TRPC7: variants seen among roughly 807,000 people sequenced by gnomAD.
TRPC7 encodes the protein short transient receptor potential channel 7.
TRPC7 carries 42 observed loss-of-function variants against 90.1 expected under a neutral mutation model. The ratio of observed to expected loss-of-function variants is 0.47; its 90% CI spans 0.36 to 0.60. TRPC7 has a LOEUF of 0.60. TRPC7 is among the 20% of genes least tolerant of loss of function. The pLI is 0.00. For synonymous variants in TRPC7, 451 were observed against 436.3 expected (o/e 1.03, Z -0.42); for missense variants, 955 against 1,112.3 (o/e 0.86, Z 2.01).
chr5:136,317,668 A>T (rs1759063261), intron 2 of TRPC7, among the ~76,000 whole-genome samples: 3 of 152,168 alleles, frequency 2.0e-5, no homozygotes, highest in Admixed American at 2.0e-4. Context: ...TTCTGAGAAC[A>T]AGGAATCTCT....
intron 7 of TRPC7, among the ~76,000 whole-genome samples, chr5:136,246,784 G>A (rs542404605): frequency 6.6e-6 from 1 of 150,644 alleles, no homozygotes; most frequent in Admixed American, 6.6e-5. Flanking sequence ...ATAACAGTAA[G>A]AATAATTTTT....
intron 2 of TRPC7, among the ~76,000 whole-genome samples, chr5:136,321,588 A>G (rs1384173690): frequency 6.6e-6 from 1 of 152,158 alleles, no homozygotes; most frequent in Non-Finnish European, 1.5e-5. Flanking sequence ...AAACTTAAAA[A>G]CTGATAATAA....
rs566575803 is a variant in TRPC7 at position 136,326,379 on chromosome 5, C to A, written c.781-10600G>T. 8.1e-4 allele frequency among the ~76,000 whole-genome samples: 123 copies of A among 152,228 alleles called. 3 individuals carry two copies. In the South Asian group the frequency reaches 0.025, roughly 31 times the overall value. ...TAGCTACAGTAATAGGAGGAAAGGTCAGTATGTAGGTGAGGATGCTATTCG... is the reference window on the plus strand; with the variant it reads ...TAGCTACAGTAATAGGAGGAAAGGTAAGTATGTAGGTGAGGATGCTATTCG... On this transcript the variant is annotated intron_variant, in intron 2 of 11. Coordinates refer to ENST00000513104, the MANE Select transcript of TRPC7 (RefSeq NM_020389.3).
intron 3 of TRPC7, among the ~76,000 whole-genome samples, 175 bp from the exon 4 acceptor site, chr5:136,275,012 G>C (rs1177614128): frequency 6.6e-6 from 1 of 152,130 alleles, no homozygotes; most frequent in East Asian, 1.9e-4. Flanking sequence ...TCTGACTTGG[G>C]GATGCTAAGG....
At chr5:136,294,067 C>A (rs1758066180) in intron 3 of TRPC7, among the ~76,000 whole-genome samples, 1 of 152,106 alleles carries the variant, frequency 6.6e-6, no homozygotes, top group South Asian at 2.1e-4. Flanking sequence ...ATAAATGGTG[C>A]TGGGAAAACT....
At chr5:136,312,005 T>C (rs1434328668) in intron 3 of TRPC7, among the ~76,000 whole-genome samples, 2 of 152,196 alleles carry the variant, frequency 1.3e-5, no homozygotes, top group Non-Finnish European at 2.9e-5. Context: ...ATAGGCATTA[T>C]TATTCCAACT....
chr5:136,257,656 C>T (rs1460090338), intron 5 of TRPC7, among the ~76,000 whole-genome samples: 4 of 152,090 alleles, frequency 2.6e-5, no homozygotes, highest in African/African-American at 9.7e-5. Flanking sequence ...CCAGCCCCCT[C>T]CTTTTTTGTT....
intron 2 of TRPC7, among the ~76,000 whole-genome samples, chr5:136,350,475 T>A (rs1181756141): frequency 1.3e-5 from 2 of 152,244 alleles, no homozygotes; most frequent in African/African-American, 4.8e-5. Flanking sequence ...CATCATCTAA[T>A]TTTAGGCACT....
intron 2 of TRPC7, among the ~76,000 whole-genome samples, chr5:136,322,537 C>A (rs1412790396): frequency 6.6e-6 from 1 of 152,002 alleles, no homozygotes; most frequent in African/African-American, 2.4e-5. Flanking sequence ...AATTTATTGC[C>A]TGTTTTTATT....
chr5:136,284,309 A>G (rs1290609059), intron 3 of TRPC7, among the ~76,000 whole-genome samples: 1 of 152,198 alleles, frequency 6.6e-6, no homozygotes, highest in African/African-American at 2.4e-5. Flanking sequence ...GTATGTGCAC[A>G]CGTGTGTGTG....
At chr5:136,264,165 G>C (rs1446283195) in intron 5 of TRPC7, among the ~76,000 whole-genome samples, 1 of 152,186 alleles carries the variant, frequency 6.6e-6, no homozygotes, top group African/African-American at 2.4e-5. Flanking sequence ...CCTATAGCTA[G>C]AGACACATCC....
intron 2 of TRPC7, among the ~76,000 whole-genome samples, chr5:136,341,738 A>G (rs1246265409): frequency 6.6e-6 from 1 of 152,210 alleles, no homozygotes; most frequent in Non-Finnish European, 1.5e-5. Flanking sequence ...CAGGTAATTC[A>G]AGGAGAAACC....
rs768453553 is a variant in TRPC7 at position 136,315,620 on chromosome 5, C to T, written c.940G>A (p.Ala314Thr). Reference sequence around the variant, plus strand: ...ACCTTCTTGACTTCATATTTAATGGCGAGTTTGATCCGGCTCAGACTTGGA... The same window carrying T: ...ACCTTCTTGACTTCATATTTAATGGTGAGTTTGATCCGGCTCAGACTTGGA... ...HRPSLSRIKL[A>T]IKYEVKKFVA... Residue 314 changes from alanine to threonine, a missense_variant, in exon 3 of 12, where the codon GCC (alanine) becomes ACC (threonine). Physicochemically the swap from Ala to Thr is moderately conservative, Grantham distance 58. Coordinates refer to ENST00000513104, the MANE Select transcript of TRPC7 (RefSeq NM_020389.3). 3.7e-6 allele frequency: 6 copies of T among 1,613,576 alleles called. No homozygotes were observed. Among genetic ancestry groups the T allele is most frequent in the East Asian group, 2.2e-5 (1 of 44,870 alleles).
rs890265321 is a variant in TRPC7 at position 136,212,897 on chromosome 5, CT to C, written c.*537del. 4.1e-3 allele frequency among the ~76,000 whole-genome samples: 628 copies of C among 151,816 alleles called. 10 individuals are homozygous for C. Among genetic ancestry groups the C allele is most frequent in the African/African-American group, 0.015 (609 of 41,392 alleles). ...CAGTTTTCAATTTAGGATTTTTAAA[CT>C]TTTTTTTTATATAAACAAATAGAAC... On this transcript the variant is annotated 3_prime_UTR_variant, in exon 12 of 12. Transcript: ENST00000513104.
rs527588851 is a variant in TRPC7, at chr5:136,223,703, T to G, written c.2343+1571A>C. On this transcript the variant is annotated intron_variant, in intron 10 of 11. Coordinates refer to ENST00000513104, the MANE Select transcript of TRPC7 (RefSeq NM_020389.3). ...AAGGATTCATTCTGGAATGGGACAT[T>G]CACACAGAATTGATCTTCCTTTATC... Among the ~76,000 whole-genome samples the G allele has an allele frequency of 6.6e-5, 10 of 152,290 alleles. No individual in the cohort carries two copies. In the South Asian group the frequency reaches 1.9e-3, roughly 28 times the overall value.
intron 2 of TRPC7, among the ~76,000 whole-genome samples, chr5:136,344,244 G>A (rs1177022927): frequency 2.0e-5 from 3 of 152,136 alleles, no homozygotes; most frequent in Non-Finnish European, 4.4e-5. Context: ...ACACAAAGAA[G>A]GGAACAACAG....
At chr5:136,258,781 G>A (rs181071478) in intron 5 of TRPC7, among the ~76,000 whole-genome samples, 101 of 152,310 alleles carry the variant, frequency 6.6e-4, no homozygotes, top group African/African-American at 2.4e-3. Flanking sequence ...ACTTAAGTAT[G>A]TACATTCTTT....
intron 4 of TRPC7, among the ~76,000 whole-genome samples, chr5:136,273,291 C>T (rs112511994): frequency 1.3e-5 from 2 of 152,134 alleles, no homozygotes; most frequent in African/African-American, 4.8e-5. Context: ...AGTTTTTTCA[C>T]CCACTGTGTT....
intron 3 of TRPC7, among the ~76,000 whole-genome samples, chr5:136,310,748 C>T (rs1053744401): frequency 6.6e-6 from 1 of 152,156 alleles, no homozygotes; most frequent in Non-Finnish European, 1.5e-5. Context: ...CTTCCCCCAC[C>T]CCACTGCAAA....
Sources: gnomAD v4.1 joint callset for allele counts (sites outside exome capture counted in the v4.1 genomes callset) on GRCh38, gnomAD v4.1.1 for gene constraint, MANE v1.5 for transcripts, NCBI Gene and HGNC (gene_info 2026-07-23, HGNC 2026-07-21) for gene names.